IMPG1: variants seen among roughly 807,000 people sequenced by gnomAD.
The protein encoded by IMPG1 is interphotoreceptor matrix proteoglycan 1, also known as interphotoreceptor matrix proteoglycan of 150 kDa.
In IMPG1, 85 loss-of-function variants were observed where a neutral mutation model predicts 92.0. The observed-to-expected ratio is 0.92, with a 90% CI of 0.78 to 1.11. The LOEUF (loss-of-function observed/expected upper bound fraction) is 1.11, where lower values mean the gene tolerates loss of function less well. Ranked by LOEUF, IMPG1 falls within the 50% of genes least tolerant of loss-of-function variation. The pLI is 0.00. For missense variants in IMPG1, 1,022 were observed against 956.0 expected, an observed-to-expected ratio of 1.07 and a Z score of -0.91; for synonymous variants, 367 against 334.1, an observed-to-expected ratio of 1.10 and a Z score of -1.08.
chr6:76,003,958 T>G lies in IMPG1; in HGVS notation c.1136-8A>C, dbSNP rs747901994. 8.7e-6 allele frequency: 14 copies of G among 1,605,524 alleles called. No individual in the cohort carries two copies. The East Asian group carries it at 3.1e-4, about 36-fold the overall frequency. The stretch of plus-strand genomic sequence containing the variant: ...GCAGTGATCCAGCAATTTCTATGGG[T>G]AAAAAATCACAAGATTTGAATGTAT... On this transcript the variant is annotated splice_polypyrimidine_tract_variant and splice_region_variant and intron_variant, in intron 10 of 16. Coordinates refer to ENST00000369950, the MANE Select transcript of IMPG1 (RefSeq NM_001563.4).
chr6:76,048,813 A>C (rs1442920277), intron 1 of IMPG1, among the ~76,000 whole-genome samples: 1 of 152,224 alleles, frequency 6.6e-6, no homozygotes, highest in Admixed American at 6.5e-5. Context: ...GGACAGAAAT[A>C]CCATTTGACC....
At chr6:75,960,227 G>A (rs1371189594) in intron 12 of IMPG1, among the ~76,000 whole-genome samples, 2 of 152,142 alleles carry the variant, frequency 1.3e-5, no homozygotes, top group Admixed American at 1.3e-4. Context: ...CCAGTGAGAT[G>A]AGTTGGGTAC....
chr6:76,003,911 TG>T lies in IMPG1; in HGVS notation c.1174del (p.Gln392AsnfsTer11). 6.2e-7 allele frequency: 1 copy of T among 1,613,448 alleles called. No individual in the cohort carries two copies. The highest frequency in any genetic ancestry group is 8.5e-7 in the Non-Finnish European group (1 of 1,179,738). On this transcript the variant is annotated frameshift_variant, in exon 11 of 17. Transcript: ENST00000369950. LOFTEE classifies it high-confidence loss of function. ...GSLPAFGPDTQSELPTSFAVI... is the reference protein window; with the variant it reads ...GSLPAFGPDTXSELPTSFAVI... ...AGCAAAAGATGTGGGCAGCTCTGAT[TG>T]GGTGTCAGGACCAAAGGCTGGCAGT...
chr6:75,971,917 T>G (rs1164225197), intron 12 of IMPG1, among the ~76,000 whole-genome samples: 1 of 152,240 alleles, frequency 6.6e-6, no homozygotes, highest in Non-Finnish European at 1.5e-5. Context: ...TTGCTGATTG[T>G]GTGTTTGAAT....
chr6:75,996,359 A>C (rs1782902144), intron 12 of IMPG1, among the ~76,000 whole-genome samples: 1 of 152,210 alleles, frequency 6.6e-6, no homozygotes, highest in South Asian at 2.1e-4. Context: ...CTATTATCTG[A>C]ATATGTACCT....
chr6:75,972,682 T>C (rs1227458079), intron 12 of IMPG1, among the ~76,000 whole-genome samples: 1 of 152,240 alleles, frequency 6.6e-6, no homozygotes, highest in African/African-American at 2.4e-5. Context: ...TTTTGTTTTT[T>C]ACACTTCTGT....
chr6:75,974,401 T>TTTCCTTCCTTCCTTCCTTGCTTGCTTCC (rs1782493261), intron 12 of IMPG1, among the ~76,000 whole-genome samples: 29 of 92,814 alleles, frequency 3.1e-4, no homozygotes, highest in African/African-American at 1.0e-3. Context: ...CTTTTCTTTC[T>TTTCCTTCCTTCCTTCCTTGCTTGCTTCC]TTCCTTCCTT....
intron 2 of IMPG1, among the ~76,000 whole-genome samples, chr6:76,035,531 T>C (rs1783729282): frequency 7.0e-6 from 1 of 141,984 alleles, no homozygotes; most frequent in African/African-American, 2.7e-5. Flanking sequence ...AAAAGAAAAA[T>C]GTGGCAAGGT....
At chr6:76,046,521 A>G (rs1484489044) in intron 1 of IMPG1, among the ~76,000 whole-genome samples, 3 of 152,214 alleles carry the variant, frequency 2.0e-5, no homozygotes, top group Non-Finnish European at 4.4e-5. Flanking sequence ...TATGTTCATT[A>G]CTTATGAAAG....
At chr6:75,989,240 T>G (rs1782774163) in intron 12 of IMPG1, among the ~76,000 whole-genome samples, 1 of 152,160 alleles carries the variant, frequency 6.6e-6, no homozygotes, top group Admixed American at 6.5e-5. Flanking sequence ...CATGTGCCAC[T>G]GTGCCTGGCT....
chr6:76,041,163 G>A lies in IMPG1; in HGVS notation c.301+730C>T, dbSNP rs62431331. Among the ~76,000 whole-genome samples the A allele has an allele frequency of 5.7e-3, 869 of 152,132 alleles. 34 individuals are homozygous for A. In the East Asian group the frequency reaches 0.09, roughly 16 times the overall value. On this transcript the variant is annotated intron_variant, in intron 2 of 16. Coordinates refer to ENST00000369950, the MANE Select transcript of IMPG1 (RefSeq NM_001563.4). Reference sequence around the variant, plus strand: ...TGTTTTTTTTTCTTTTAAAAAAGAAGCCATGAGAATTTTGTCATCCATAGG... The same window carrying A: ...TGTTTTTTTTTCTTTTAAAAAAGAAACCATGAGAATTTTGTCATCCATAGG...
At position 76,042,015 on chromosome 6, in the gene IMPG1, A is replaced by T; in HGVS notation, c.179T>A (p.Ile60Lys). ...TGTTCGATGCTTTGCCAAATCGAAT[A>T]TTCGTCTCATAGTTGACATTTTGTA... is the stretch of plus-strand genomic sequence containing the variant. ...KMYKMSTMRR[I>K]FDLAKHRTKR... Residue 60 changes from isoleucine (I) to lysine (K), a missense_variant, in exon 2 of 17, where the codon ATA becomes AAA. By Grantham distance (102) the Ile-to-Lys change is moderately radical. Coordinates refer to ENST00000369950, the MANE Select transcript of IMPG1 (RefSeq NM_001563.4). The T allele has an allele frequency of 6.2e-7, 1 of 1,611,632 alleles. No homozygotes were observed. Among genetic ancestry groups the T allele is most frequent in the East Asian group, 2.2e-5 (1 of 44,832 alleles).
At chr6:76,039,441 C>T (rs1213934032) in intron 2 of IMPG1, among the ~76,000 whole-genome samples, 3 of 151,820 alleles carry the variant, frequency 2.0e-5, no homozygotes, top group South Asian at 2.1e-4. Context: ...CTGCAACCTC[C>T]GCCTCCTGGG....
chr6:75,947,258 GA>G, intron 14 of IMPG1, 55 bp downstream of exon 14: 1 of 1,349,688 alleles, frequency 7.4e-7, no homozygotes, highest in South Asian at 1.2e-5. Flanking sequence ...AAAACAGAAC[GA>G]AATTAAAAAA....
At chr6:76,072,102 G>C (rs1359471529) in intron 1 of IMPG1, among the ~76,000 whole-genome samples, 1 of 151,944 alleles carries the variant, frequency 6.6e-6, no homozygotes, top group Non-Finnish European at 1.5e-5. Context: ...TGGATAAATG[G>C]AGTTAGTTTC....
At chr6:76,012,062 G>A (rs981032172) in intron 7 of IMPG1, among the ~76,000 whole-genome samples, 1 of 152,122 alleles carries the variant, frequency 6.6e-6, no homozygotes, top group Admixed American at 6.6e-5. Flanking sequence ...TGAAAGGGAT[G>A]ATTACATTCA....
intron 12 of IMPG1, among the ~76,000 whole-genome samples, chr6:75,980,067 C>G (rs1264447443): frequency 2.0e-5 from 3 of 152,098 alleles, no homozygotes; most frequent in East Asian, 3.9e-4. Flanking sequence ...ATCAACTATG[C>G]CTAATATGCT....
chr6:75,979,716 G>A lies in IMPG1; in HGVS notation c.1291+23202C>T, dbSNP rs1782597313. ...AAAACACAGACTGTAGAAGTTTTGAGTTAAGGAAAATTACATCAGGGATAT... is the reference window on the plus strand; with the variant it reads ...AAAACACAGACTGTAGAAGTTTTGAATTAAGGAAAATTACATCAGGGATAT... On this transcript the variant is annotated intron_variant, in intron 12 of 16. Transcript: ENST00000369950. Among the ~76,000 whole-genome samples the A allele has an allele frequency of 2.0e-5, 3 of 152,304 alleles. No homozygotes were observed. In the South Asian group the frequency reaches 6.2e-4, roughly 32 times the overall value.
At chr6:75,949,331 T>A (rs1031221503) in intron 13 of IMPG1, among the ~76,000 whole-genome samples, 2 of 152,158 alleles carry the variant, frequency 1.3e-5, no homozygotes, top group African/African-American at 4.8e-5. Flanking sequence ...AAAACCAAGA[T>A]GGCCATGAGA....
Sources: allele counts gnomAD v4.1 joint callset (sites outside exome capture counted in the v4.1 genomes callset), GRCh38; gene constraint gnomAD v4.1.1; transcripts MANE v1.5; gene names NCBI Gene and HGNC (gene_info 2026-07-23, HGNC 2026-07-21).